Variants in DPP6 observed in about 807,000 individuals in gnomAD.
DPP6 encodes A-type potassium channel modulatory protein DPP6.
A neutral mutation model predicts 122.6 loss-of-function variants in DPP6; 69 were observed. The ratio of observed to expected loss-of-function variants is 0.56; its 90% CI spans 0.46 to 0.69. The LOEUF is 0.69. Ranked by LOEUF, DPP6 falls within the 30% of genes least tolerant of loss-of-function variation. The pLI is 0.00. For missense variants in DPP6, 928 were observed against 1,116.9 expected (o/e 0.83, Z 2.41); for synonymous variants, 418 against 433.1 (o/e 0.97, Z 0.43).
intron 1 of DPP6, among the ~76,000 whole-genome samples, chr7:154,385,834 C>T (rs1487305909): frequency 2.0e-5 from 3 of 152,106 alleles, no homozygotes; most frequent in East Asian, 3.9e-4. Flanking sequence ...CCTGAGGGGT[C>T]ATTGCTAGGC....
intron 1 of DPP6, among the ~76,000 whole-genome samples, chr7:154,385,278 C>T (rs1814002213): frequency 6.6e-6 from 1 of 152,140 alleles, no homozygotes; most frequent in South Asian, 2.1e-4. Flanking sequence ...TGCTTGGCTT[C>T]GTGCCTTCTA....
At chr7:154,494,355 CA>C (rs1206138160) in intron 3 of DPP6, among the ~76,000 whole-genome samples, 3 of 148,226 alleles carry the variant, frequency 2.0e-5, no homozygotes, top group African/African-American at 4.9e-5. Context: ...GACCCTGTCT[CA>C]AAAAAATATA....
chr7:154,046,789 C>A (rs1427529474), intron 1 of DPP6, among the ~76,000 whole-genome samples: 3 of 152,150 alleles, frequency 2.0e-5, no homozygotes, highest in Admixed American at 2.0e-4. Context: ...CCTTCTCTTT[C>A]GGGGGTGAAT....
intron 16 of DPP6, among the ~76,000 whole-genome samples, chr7:154,811,732 G>A (rs1799072659): frequency 6.6e-6 from 1 of 152,174 alleles, no homozygotes; most frequent in South Asian, 2.1e-4. Flanking sequence ...GGACCCAGAT[G>A]TGTAGTCTAG....
chr7:154,005,507 C>T (rs1007544505), intron 1 of DPP6, among the ~76,000 whole-genome samples: 1 of 151,722 alleles, frequency 6.6e-6, no homozygotes, highest in Non-Finnish European at 1.5e-5. Flanking sequence ...AAGTCATTAA[C>T]ATTAATTAAT....
chr7:153,919,949 C>T (rs1444397890), intron 1 of DPP6, among the ~76,000 whole-genome samples: 1 of 152,146 alleles, frequency 6.6e-6, no homozygotes, highest in African/African-American at 2.4e-5. Flanking sequence ...GACACACCTG[C>T]CCAGGAAGTA....
intron 1 of DPP6, among the ~76,000 whole-genome samples, chr7:153,986,491 C>T (rs1796857433): frequency 6.6e-6 from 1 of 151,974 alleles, no homozygotes; most frequent in Non-Finnish European, 1.5e-5. Context: ...AAAGACTAGG[C>T]AAATAGAAAT....
At chr7:154,542,457 A>G (rs1255893731) in intron 4 of DPP6, among the ~76,000 whole-genome samples, 1 of 152,232 alleles carries the variant, frequency 6.6e-6, no homozygotes, top group South Asian at 2.1e-4. Context: ...GGTGTTGTAC[A>G]TAACAGCAGC....
chr7:154,144,374 G>A (rs1292270299), intron 1 of DPP6, among the ~76,000 whole-genome samples: 1 of 150,976 alleles, frequency 6.6e-6, no homozygotes, highest in Admixed American at 6.6e-5. Flanking sequence ...GTATTTTGTG[G>A]CATATAAAAA....
At chr7:154,174,813 C>G (rs1161383853) in intron 1 of DPP6, among the ~76,000 whole-genome samples, 1 of 152,094 alleles carries the variant, frequency 6.6e-6, no homozygotes, top group South Asian at 2.1e-4. Context: ...CCTCTCTCCT[C>G]TCTTCTCTTA....
chr7:154,301,468 C>A (rs1805893126), intron 1 of DPP6, among the ~76,000 whole-genome samples: 1 of 152,118 alleles, frequency 6.6e-6, no homozygotes, highest in Non-Finnish European at 1.5e-5. Flanking sequence ...AGAAATGAGC[C>A]TGTAAAGTCT....
intron 1 of DPP6, among the ~76,000 whole-genome samples, chr7:153,895,530 T>C (rs889962414): frequency 2.0e-5 from 3 of 152,188 alleles, no homozygotes; most frequent in African/African-American, 4.8e-5. Flanking sequence ...TTCTTCTGCA[T>C]TGACTTATGT....
chr7:154,879,028 G>C (rs971716598), intron 20 of DPP6, among the ~76,000 whole-genome samples: 1 of 152,326 alleles, frequency 6.6e-6, no homozygotes, highest in Non-Finnish European at 1.5e-5. Flanking sequence ...TTTGCCAGAC[G>C]CCAGGACATC....
chr7:154,012,079 G>A (rs185574226), intron 1 of DPP6, among the ~76,000 whole-genome samples: 1 of 152,032 alleles, frequency 6.6e-6, no homozygotes, highest in African/African-American at 2.4e-5. Flanking sequence ...TTCACAAATG[G>A]TACAACTGAG....
At chr7:154,453,675 G>A (rs1247109745) in intron 2 of DPP6, among the ~76,000 whole-genome samples, 4 of 152,078 alleles carry the variant, frequency 2.6e-5, no homozygotes, top group African/African-American at 9.6e-5. Context: ...GCCAGCATCC[G>A]GAAAGCCCCC....
the DPP6 span, among the ~76,000 whole-genome samples, chr7:153,871,659 CTGCACCCACTGTCT>C: frequency 2.9e-4 from 44 of 152,292 alleles, 1 homozygote; most frequent in Admixed American, 9.1e-4. Context: ...ACCCACTGTC[CTGCACCCACTGTCT>C]GGCACTCCCC....
intron 1 of DPP6, among the ~76,000 whole-genome samples, chr7:154,104,646 A>T (rs995043448): frequency 6.6e-6 from 1 of 152,280 alleles, no homozygotes; most frequent in Non-Finnish European, 1.5e-5. Context: ...CTGCCTGTAC[A>T]CACTGCAGCT....
At chr7:153,949,417 A>C (rs1166346171) in intron 1 of DPP6, among the ~76,000 whole-genome samples, 1 of 152,102 alleles carries the variant, frequency 6.6e-6, no homozygotes, top group Admixed American at 6.5e-5. Context: ...TGACTCAATC[A>C]AGGGCTTGCA....
chr7:153,995,661 A>G (rs1477881371), intron 1 of DPP6, among the ~76,000 whole-genome samples: 2 of 151,958 alleles, frequency 1.3e-5, no homozygotes, highest in East Asian at 1.9e-4. Flanking sequence ...GATGTGCTCG[A>G]TAACACCCTT....
Sources: gnomAD v4.1 joint callset for allele counts (sites outside exome capture counted in the v4.1 genomes callset) on GRCh38, gnomAD v4.1.1 for gene constraint, MANE v1.5 for transcripts, NCBI Gene and HGNC (gene_info 2026-07-23, HGNC 2026-07-21) for gene names.